The following SLC22A23 variants were observed in gnomAD, a reference collection of about 807,000 sequenced individuals.
SLC22A23 encodes the protein solute carrier family 22 member 23, also known as ion transporter protein.
Under a neutral mutation model 61.0 loss-of-function variants are expected in SLC22A23, and 26 were observed. The observed-to-expected ratio is 0.43, with a 90% CI of 0.31 to 0.59. SLC22A23 has a LOEUF of 0.59. SLC22A23 is among the 20% of genes least tolerant of loss of function. SLC22A23 has a pLI of 0.11. For synonymous variants in SLC22A23, 430 were observed against 413.9 expected (o/e 1.04, Z -0.47); for missense variants, 796 against 934.7 (o/e 0.85, Z 1.94).
rs191562943 is a variant in SLC22A23 at position 3,347,135 on chromosome 6, G to A, written c.914-23133C>T. 1.4e-3 allele frequency among the ~76,000 whole-genome samples: 218 copies of A among 152,138 alleles called. 1 individual carries two copies. The highest frequency in any genetic ancestry group is 5.0e-3 in the African/African-American group (208 of 41,502). On this transcript the variant is annotated intron_variant, in intron 3 of 9. Coordinates refer to ENST00000406686, the MANE Select transcript of SLC22A23 (RefSeq NM_015482.2). ...TCCCCAAGTCATTAACTACCCCCAC[G>A]CTGTGATGTCCTGTGAGTGCCCGAA...
Position 3,410,082 on chromosome 6 carries a change from C to T in SLC22A23, c.913+106G>A. On this transcript the variant is annotated intron_variant, in intron 3 of 9. Transcript: ENST00000406686. The surrounding 1 kb of genome is among the most constrained non-coding windows in gnomAD (Gnocchi z 5.0). ...CTTTAATGTTTGTGTTTCCACAAAA[C>T]TGCCAGCCCACACGAGCAGCATGCA... 1 of 1,330,530 alleles carries T rather than the reference C, an allele frequency of 7.5e-7. No homozygotes were observed. Among genetic ancestry groups the T allele is most frequent in the Non-Finnish European group, 1.0e-6 (1 of 986,148 alleles). 82.4% of individuals were successfully genotyped at this position (1,330,530 alleles called of 1,614,324 possible). A position where few individuals can be genotyped will look rare whatever the true frequency, so the allele number is the denominator to read the frequency against.
At chr6:3,334,497 C>CT (rs1186433062) in intron 3 of SLC22A23, among the ~76,000 whole-genome samples, 166 of 147,070 alleles carry the variant, frequency 1.1e-3, no homozygotes, top group African/African-American at 2.3e-3. Context: ...AGGCATGTGA[C>CT]TTTTTTTTTT....
At chr6:3,301,445 C>T (rs1446044298) in intron 4 of SLC22A23, among the ~76,000 whole-genome samples, 1 of 152,188 alleles carries the variant, frequency 6.6e-6, no homozygotes, top group African/African-American at 2.4e-5. Context: ...TATGACAGCG[C>T]AAGCGATTTC....
At chr6:3,438,822 A>T (rs1195386729) in intron 1 of SLC22A23, among the ~76,000 whole-genome samples, 1 of 152,136 alleles carries the variant, frequency 6.6e-6, no homozygotes, top group East Asian at 1.9e-4. Flanking sequence ...AGCTTTGTTT[A>T]TTCCATAACG....
chr6:3,396,287 G>A (rs964277634), intron 3 of SLC22A23, among the ~76,000 whole-genome samples: 3 of 152,236 alleles, frequency 2.0e-5, no homozygotes, highest in Non-Finnish European at 2.9e-5. Flanking sequence ...AGATGGCCAG[G>A]TGCAGTGGCT....
At chr6:3,348,588 C>G (rs1764580860) in intron 3 of SLC22A23, among the ~76,000 whole-genome samples, 1 of 152,204 alleles carries the variant, frequency 6.6e-6, no homozygotes, top group African/African-American at 2.4e-5. Context: ...ACTAGCCTGG[C>G]AATCACACGA....
chr6:3,345,898 T>C (rs914378318), intron 3 of SLC22A23, among the ~76,000 whole-genome samples: 7 of 152,240 alleles, frequency 4.6e-5, no homozygotes, highest in African/African-American at 1.2e-4. Context: ...TAACCTGCTG[T>C]ACATATAGCC....
chr6:3,438,429 G>A (rs1771364214), intron 1 of SLC22A23: 2 of 439,084 alleles, frequency 4.6e-6, no homozygotes, highest in African/African-American at 4.0e-5. Context: ...TGCTGCCTGG[G>A]CCCCTGGCGG....
intron 3 of SLC22A23, among the ~76,000 whole-genome samples, chr6:3,366,332 C>CAAAAAAAAAAAAAAAAAAAAA (rs11387672): frequency 6.7e-5 from 5 of 74,156 alleles, no homozygotes; most frequent in Non-Finnish European, 1.2e-4. Flanking sequence ...GACTCTGTCT[C>CAAAAAAAAAAAAAAAAAAAAA]AAAAAAAAAA....
intron 3 of SLC22A23, among the ~76,000 whole-genome samples, chr6:3,404,625 T>A (rs547664065): frequency 1.2e-4 from 18 of 152,174 alleles, no homozygotes; most frequent in Non-Finnish European, 2.5e-4. Flanking sequence ...CTCTGACCCA[T>A]GACCAGTGGC....
chr6:3,445,828 CA>C (rs1771869274), intron 1 of SLC22A23, among the ~76,000 whole-genome samples: 1 of 151,986 alleles, frequency 6.6e-6, no homozygotes, highest in South Asian at 2.1e-4. Context: ...GGAGGGGTGG[CA>C]GGGGAGGAGA....
At chr6:3,376,064 A>T (rs1168865968) in intron 3 of SLC22A23, among the ~76,000 whole-genome samples, 1 of 152,230 alleles carries the variant, frequency 6.6e-6, no homozygotes, top group Non-Finnish European at 1.5e-5. Context: ...TTGGAAAAAC[A>T]CATTGCTTTT....
intron 1 of SLC22A23, among the ~76,000 whole-genome samples, chr6:3,426,517 A>G (rs753541248): frequency 6.6e-6 from 1 of 152,214 alleles, no homozygotes; most frequent in Non-Finnish European, 1.5e-5. Context: ...TTAACATTTT[A>G]ATTGAGACCT....
chr6:3,420,399 A>T (rs892078327), intron 1 of SLC22A23, among the ~76,000 whole-genome samples: 1 of 152,202 alleles, frequency 6.6e-6, no homozygotes, highest in African/African-American at 2.4e-5. Flanking sequence ...TCTAAAGAAG[A>T]TGGAAAATAA....
At chr6:3,383,083 A>T (rs887999688) in intron 3 of SLC22A23, among the ~76,000 whole-genome samples, 4 of 152,262 alleles carry the variant, frequency 2.6e-5, no homozygotes, top group Non-Finnish European at 4.4e-5. Context: ...AGAGAGATGT[A>T]TAAAAGCAAT....
intron 3 of SLC22A23, among the ~76,000 whole-genome samples, chr6:3,374,446 C>T (rs1766428698): frequency 6.6e-6 from 1 of 151,542 alleles, no homozygotes; most frequent in Non-Finnish European, 1.5e-5. Flanking sequence ...GGAAAACTAG[C>T]AATCTACCTG....
chr6:3,374,788 G>A (rs1766455520), intron 3 of SLC22A23, among the ~76,000 whole-genome samples: 1 of 152,156 alleles, frequency 6.6e-6, no homozygotes, highest in Non-Finnish European at 1.5e-5. Flanking sequence ...CCTGGGGACA[G>A]GCCAAACCCA....
rs1762589307 is a variant in SLC22A23, at chr6:3,315,565, G to A, written c.1082+8269C>T. 2.6e-5 allele frequency among the ~76,000 whole-genome samples: 4 copies of A among 152,142 alleles called. No individual in the cohort carries two copies. In the South Asian group the frequency reaches 8.3e-4, roughly 32 times the overall value. On this transcript the variant is annotated intron_variant, in intron 4 of 9. Transcript: ENST00000406686. ...TACACAGTCTCGAACCCTATTTCAT[G>A]TAAGAAAAGTGTGTGTTCGGCTGGG...
At chr6:3,371,104 G>A (rs988219140) in intron 3 of SLC22A23, among the ~76,000 whole-genome samples, 4 of 152,196 alleles carry the variant, frequency 2.6e-5, no homozygotes, top group Non-Finnish European at 4.4e-5. Flanking sequence ...CAGACTTAGA[G>A]TGATTATGGA....
Sources: allele counts gnomAD v4.1 joint callset (sites outside exome capture counted in the v4.1 genomes callset), GRCh38; gene constraint gnomAD v4.1.1; non-coding constraint Gnocchi (gnomAD v3.1); transcripts MANE v1.5; gene names NCBI Gene and HGNC (gene_info 2026-07-23, HGNC 2026-07-21).